IQCJ: variants seen among roughly 807,000 people sequenced by gnomAD.
IQCJ encodes the protein IQ domain-containing protein J.
In IQCJ, 9 loss-of-function variants were observed where a neutral mutation model predicts 11.0. That is an observed-to-expected ratio of 0.82 (90% CI 0.49 to 1.43). The LOEUF is 1.43. Ranked by LOEUF, IQCJ falls within the 40% of genes most tolerant of loss-of-function variation. The pLI is 0.00. For synonymous variants in IQCJ, 55 were observed against 51.3 expected (o/e 1.07, Z -0.31); for missense variants, 146 against 133.2 (o/e 1.10, Z -0.47).
intron 1 of IQCJ, among the ~76,000 whole-genome samples, chr3:159,236,167 C>T (rs77129847): frequency 2.0e-5 from 3 of 149,976 alleles, no homozygotes; most frequent in African/African-American, 2.5e-5. Flanking sequence ...TAAAGAAATT[C>T]GTGTTTAGCT....
At chr3:159,173,049 T>C (rs894959455) in intron 1 of IQCJ, among the ~76,000 whole-genome samples, 3 of 152,158 alleles carry the variant, frequency 2.0e-5, no homozygotes, top group Admixed American at 2.0e-4. Flanking sequence ...GTAAAATAGA[T>C]CTAAGACTTA....
intron 1 of IQCJ, among the ~76,000 whole-genome samples, chr3:159,173,172 T>C (rs1417729829): frequency 1.3e-5 from 2 of 152,220 alleles, no homozygotes; most frequent in Non-Finnish European, 2.9e-5. Context: ...TGAGCAGACC[T>C]TGAATATCGC....
chr3:159,124,305 TG>T (rs1178016724), intron 1 of IQCJ, among the ~76,000 whole-genome samples: 1 of 152,232 alleles, frequency 6.6e-6, no homozygotes, highest in African/African-American at 2.4e-5. Flanking sequence ...ATCCACTTTG[TG>T]GCCACAGTAA....
intron 1 of IQCJ, among the ~76,000 whole-genome samples, chr3:159,103,447 C>A (rs1392612186): frequency 6.6e-6 from 1 of 152,212 alleles, no homozygotes; most frequent in Admixed American, 6.5e-5. Flanking sequence ...CTAAATTAAA[C>A]ACAAAATGGA....
chr3:159,228,371 G>C (rs920035126), intron 1 of IQCJ, among the ~76,000 whole-genome samples: 1 of 152,042 alleles, frequency 6.6e-6, no homozygotes, highest in South Asian at 2.1e-4. Flanking sequence ...AATGTTGTTC[G>C]CCTACTTGTT....
chr3:159,250,394 A>G (rs1054838168), intron 2 of IQCJ, among the ~76,000 whole-genome samples: 5 of 152,200 alleles, frequency 3.3e-5, no homozygotes, highest in Non-Finnish European at 7.3e-5. Flanking sequence ...AGAGTCTTAA[A>G]GTATCCTTGT....
In IQCJ at chr3:159,218,341, T is replaced by TTGTGTGTGTG. The variant is rs34078356; in HGVS notation, c.10-27482_10-27473dup. 2.2e-3 allele frequency among the ~76,000 whole-genome samples: 327 copies of TTGTGTGTGTG among 146,012 alleles called. 2 individuals carry two copies. The highest frequency in any genetic ancestry group is 7.7e-3 in the African/African-American group (310 of 40,006). Reference sequence around the variant, plus strand: ...GTAAGAGGGAGTATAGAGTCCCTCTTTGTGTGTGTGTGTGTGTGTGTGTGT... The same window carrying TTGTGTGTGTG: ...GTAAGAGGGAGTATAGAGTCCCTCTTTGTGTGTGTGTGTGTGTGTGTGTGTGTGTGTGTGT... On this transcript the variant is annotated intron_variant, in intron 1 of 3. Coordinates refer to ENST00000397832, the MANE Select transcript of IQCJ (RefSeq NM_001042706.3).
At chr3:159,079,129 C>T (rs1011647985) in intron 1 of IQCJ, among the ~76,000 whole-genome samples, 4 of 152,060 alleles carry the variant, frequency 2.6e-5, no homozygotes, top group African/African-American at 7.2e-5. Context: ...TCCCTGGAAA[C>T]ACAAAGAACC....
At chr3:159,229,168 C>A (rs1408185574) in intron 1 of IQCJ, among the ~76,000 whole-genome samples, 1 of 152,182 alleles carries the variant, frequency 6.6e-6, no homozygotes, top group Non-Finnish European at 1.5e-5. Flanking sequence ...CACCCTGGAA[C>A]TTTACATTTT....
intron 1 of IQCJ, among the ~76,000 whole-genome samples, chr3:159,077,486 T>C (rs949925980): frequency 6.6e-6 from 1 of 152,140 alleles, no homozygotes; most frequent in Admixed American, 6.6e-5. Context: ...AAATAATTTA[T>C]GTTATATCCA....
intron 1 of IQCJ, among the ~76,000 whole-genome samples, chr3:159,186,843 G>C (rs548992679): frequency 1.3e-5 from 2 of 152,342 alleles, no homozygotes; most frequent in African/African-American, 2.4e-5. Context: ...CTGCTGGTGA[G>C]AGAAAACGGG....
chr3:159,261,273 G>T (rs190506005), intron 3 of IQCJ, among the ~76,000 whole-genome samples: 2 of 152,136 alleles, frequency 1.3e-5, no homozygotes, highest in African/African-American at 2.4e-5. Context: ...ATTTTAAAAG[G>T]CTGAATCCTA....
intron 1 of IQCJ, among the ~76,000 whole-genome samples, chr3:159,214,898 C>G (rs1333920772): frequency 2.6e-5 from 4 of 152,192 alleles, no homozygotes; most frequent in Non-Finnish European, 4.4e-5. Context: ...TTTGGAGCCA[C>G]AGGGCATATT....
In IQCJ at chr3:159,111,948, G is replaced by GT. The variant is rs534189854; in HGVS notation, c.9+42516dup. On this transcript the variant is annotated intron_variant, in intron 1 of 3. Coordinates refer to ENST00000397832, the MANE Select transcript of IQCJ (RefSeq NM_001042706.3). ...GATGTAATGTGACATTGTGTCTTGG[G>GT]TTTTTTTTTCCCCGCAATTGTCTGA... Among the ~76,000 whole-genome samples the GT allele has an allele frequency of 3.3e-5, 5 of 151,114 alleles. No individual in the cohort carries two copies. In the East Asian group the frequency reaches 5.8e-4, roughly 18 times the overall value.
At chr3:159,220,180 G>T (rs1055438082) in intron 1 of IQCJ, among the ~76,000 whole-genome samples, 2 of 152,140 alleles carry the variant, frequency 1.3e-5, no homozygotes, top group African/African-American at 2.4e-5. Context: ...AATGGGAAAA[G>T]GGTTATGGGG....
At chr3:159,177,952 G>T (rs1722879908) in intron 1 of IQCJ, among the ~76,000 whole-genome samples, 2 of 152,178 alleles carry the variant, frequency 1.3e-5, no homozygotes, top group South Asian at 4.1e-4. Context: ...GATAGATAGT[G>T]AATAAGACAC....
chr3:159,210,763 C>A (rs1362111851), intron 1 of IQCJ, among the ~76,000 whole-genome samples: 2 of 152,136 alleles, frequency 1.3e-5, no homozygotes, highest in Non-Finnish European at 2.9e-5. Flanking sequence ...CTCCCCCTCC[C>A]GGATTCCAGT....
intron 1 of IQCJ, among the ~76,000 whole-genome samples, chr3:159,120,236 G>A (rs1184689824): frequency 6.6e-6 from 1 of 152,158 alleles, no homozygotes; most frequent in Non-Finnish European, 1.5e-5. Context: ...GCTGGCTACT[G>A]TAACAGCAAC....
intron 1 of IQCJ, among the ~76,000 whole-genome samples, chr3:159,190,710 C>A (rs1393559540): frequency 6.6e-6 from 1 of 152,176 alleles, no homozygotes; most frequent in Non-Finnish European, 1.5e-5. Context: ...GGACCTGTGT[C>A]CCGGTTCTAG....
Sources: allele counts gnomAD v4.1 joint callset (sites outside exome capture counted in the v4.1 genomes callset), GRCh38; gene constraint gnomAD v4.1.1; transcripts MANE v1.5; gene names NCBI Gene and HGNC (gene_info 2026-07-23, HGNC 2026-07-21).